The following DIMT1 variants were observed in gnomAD, a reference collection of about 807,000 sequenced individuals.
The protein encoded by DIMT1 is DIM1 rRNA methyltransferase and ribosome maturation factor.
In DIMT1, 36 loss-of-function variants were observed where a neutral mutation model predicts 43.2. The observed-to-expected ratio is 0.83, with a 90% confidence interval of 0.64 to 1.10. The LOEUF (loss-of-function observed/expected upper bound fraction) is 1.10, where lower values mean the gene tolerates loss of function less well. Ranked by LOEUF, DIMT1 falls within the 50% of genes least tolerant of loss-of-function variation. DIMT1 has a pLI of 0.00. For missense variants in DIMT1, 341 were observed against 385.3 expected (o/e 0.88, Z 0.96); for synonymous variants, 126 against 130.3 (o/e 0.97, Z 0.22).
In DIMT1 at chr5:62,403,750, G is replaced by A; in HGVS notation, c.23C>T (p.Ala8Val). The A allele has an allele frequency of 1.2e-6, 2 of 1,610,210 alleles. No homozygotes were observed. Among genetic ancestry groups the A allele is most frequent in the Non-Finnish European group, 1.7e-6 (2 of 1,178,850 alleles). The change falls in exon 1 of 12, where the codon GCC (alanine) becomes GTC (valine). Residue 8 changes from alanine to valine, a missense_variant. Physicochemically the swap from Ala to Val is moderately conservative, Grantham distance 64. Transcript: ENST00000199320. ...CTGCCGCCCGCGGCGGCGGCCGATGGCCCCCGACTTGACCTTCGGCATCTC... is the reference window on the plus strand; with the variant it reads ...CTGCCGCCCGCGGCGGCGGCCGATGACCCCCGACTTGACCTTCGGCATCTC... MPKVKSG[A>V]IGRRRGRQEQ... is the part of the protein sequence containing the mutation.
chr5:62,403,799 C>T lies in DIMT1; in HGVS notation c.-27G>A, dbSNP rs1336996616. 9 of 1,605,702 alleles carry T rather than the reference C, an allele frequency of 5.6e-6. No individual in the cohort carries two copies. Among genetic ancestry groups the T allele is most frequent in the Non-Finnish European group, 6.8e-6 (8 of 1,176,728 alleles). Reference sequence around the variant, plus strand: ...TCGGCAGAAAGCGGGCCCACAGGCCCGGGACGTCAAGGAGGACCAAAGAGG... The same window carrying T: ...TCGGCAGAAAGCGGGCCCACAGGCCTGGGACGTCAAGGAGGACCAAAGAGG... On this transcript the variant is annotated 5_prime_UTR_variant, in exon 1 of 12. Transcript: ENST00000199320.
At position 62,403,827 on chromosome 5, in the gene DIMT1, T is replaced by G; in HGVS notation, c.-55A>C. On this transcript the variant is annotated 5_prime_UTR_variant, in exon 1 of 12. Transcript: ENST00000199320. ...GACGTCAAGGAGGACCAAAGAGGGCTAGCGTGAGAAAGCCACCACGTGGGG... is the reference window on the plus strand; with the variant it reads ...GACGTCAAGGAGGACCAAAGAGGGCGAGCGTGAGAAAGCCACCACGTGGGG... 2.6e-6 allele frequency: 4 copies of G among 1,568,408 alleles called. No individual in the cohort carries two copies. Among genetic ancestry groups the G allele is most frequent in the Non-Finnish European group, 3.5e-6 (4 of 1,152,774 alleles).
chr5:62,390,829 T>C, intron 11 of DIMT1, 47 bp downstream of exon 11: 1 of 1,484,234 alleles, frequency 6.7e-7, no homozygotes, highest in Non-Finnish European at 9.4e-7. Flanking sequence ...TCTGAAGGTG[T>C]CACAGTAAAG....
chr5:62,403,854 T>TCGCCGCCACG lies in DIMT1; in HGVS notation c.-92_-83dup. 1 of 1,433,678 alleles carries TCGCCGCCACG rather than the reference T, an allele frequency of 7.0e-7. No homozygotes were observed. The highest frequency in any genetic ancestry group is 9.5e-7 in the Non-Finnish European group (1 of 1,049,866). 88.8% of individuals were successfully genotyped at this position (1,433,678 alleles called of 1,614,324 possible). ...GCGTGAGAAAGCCACCACGTGGGGA[T>TCGCCGCCACG]CGCCGCCACGCGCCGCCCGCACCAC... On this transcript the variant is annotated 5_prime_UTR_variant, in exon 1 of 12. Transcript: ENST00000199320.
intron 8 of DIMT1, 51 bp from the exon 9 acceptor site, chr5:62,393,041 T>C: frequency 8.0e-7 from 1 of 1,244,998 alleles, no homozygotes; most frequent in Non-Finnish European, 1.2e-6. Flanking sequence ...CTTGTTCTTG[T>C]CTATGCCCAC....
chr5:62,403,905 G>C lies in DIMT1; in HGVS notation c.-133C>G. On this transcript the variant is annotated 5_prime_UTR_variant, in exon 1 of 12. Coordinates refer to ENST00000199320, the MANE Select transcript of DIMT1 (RefSeq NM_014473.4). Reference sequence around the variant, plus strand: ...TCTGGCCCAAGCGCCGGAGGGGCAAGGGTCCGCCCCCTCCCGTACGCTCTG... The same window carrying C: ...TCTGGCCCAAGCGCCGGAGGGGCAACGGTCCGCCCCCTCCCGTACGCTCTG... The C allele has an allele frequency of 1.1e-6, 1 of 908,330 alleles. No homozygotes were observed. The highest frequency in any genetic ancestry group is 1.7e-5 in the South Asian group (1 of 58,504). 56.3% of individuals were successfully genotyped at this position (908,330 alleles called of 1,614,324 possible). A position where few individuals can be genotyped will look rare whatever the true frequency, so the allele number is the denominator to read the frequency against.
At chr5:62,391,466 AT>A (rs1742303109) in intron 10 of DIMT1, 1 of 160,654 alleles carries the variant, frequency 6.2e-6, no homozygotes, top group African/African-American at 2.4e-5. Context: ...TTATCCAAAT[AT>A]TTTTCTTAAT....
chr5:62,398,783 G>T (rs1411581684), intron 4 of DIMT1, 37 bp downstream of exon 4: 7 of 1,613,524 alleles, frequency 4.3e-6, no homozygotes, highest in Non-Finnish European at 5.1e-6. Flanking sequence ...TGTTTCATGA[G>T]ATTGAAATGC....
In DIMT1 at chr5:62,403,709, G is replaced by A; in HGVS notation, c.64C>T (p.Leu22=). The change falls in exon 1 of 12, where the codon CTG becomes TTG. Residue 22 remains leucine (L), a synonymous_variant. Coordinates refer to ENST00000199320, the MANE Select transcript of DIMT1 (RefSeq NM_014473.4). ...RRGRQEQRRE[L]KSAGGLMFNT... is the part of the protein sequence containing the mutation. The stretch of plus-strand genomic sequence containing the variant: ...GGATCCGCACCTCCAGCGCTCTTCA[G>A]CTCCCGGCGCTGCTCCTGCCGCCCG... 6.2e-7 allele frequency: 1 copy of A among 1,609,332 alleles called. No homozygotes were observed. Among genetic ancestry groups the A allele is most frequent in the Non-Finnish European group, 8.5e-7 (1 of 1,178,576 alleles).
rs758847833 is a variant in DIMT1, at chr5:62,396,139, G to GTTTTTTTTTTTTTTTTTTTTTTTTTTT, written c.447-1533_447-1532insAAAAAAAAAAAAAAAAAAAAAAAAAAA. Among the ~76,000 whole-genome samples, 439 of 116,670 alleles carry GTTTTTTTTTTTTTTTTTTTTTTTTTTT rather than the reference G, an allele frequency of 3.8e-3. 61 individuals are homozygous for GTTTTTTTTTTTTTTTTTTTTTTTTTTT. Among genetic ancestry groups the GTTTTTTTTTTTTTTTTTTTTTTTTTTT allele is most frequent in the East Asian group, 5.9e-3 (21 of 3,558 alleles). The allele number at this position is 116,670 out of a possible 152,430, so 76.5% of individuals were successfully genotyped here. On this transcript the variant is annotated intron_variant, in intron 6 of 11. Coordinates refer to ENST00000199320, the MANE Select transcript of DIMT1 (RefSeq NM_014473.4). ...GGGGAATTTAGCCATGTCACTGCAG[G>GTTTTTTTTTTTTTTTTTTTTTTTTTTT]TTTTTTTTTTTTACATTATTAACTG...
At position 62,387,689 on chromosome 5, in the gene DIMT1, T is replaced by TAAG. The variant is rs1742101808; in HGVS notation, c.*1318_*1320dup. Reference sequence around the variant, plus strand: ...GAGTTAAATCTTAAAATTTTTACTATAAGGATAGAGATGATACAAGTGAAC... The same window carrying TAAG: ...GAGTTAAATCTTAAAATTTTTACTATAAGAAGGATAGAGATGATACAAGTGAAC... On this transcript the variant is annotated 3_prime_UTR_variant, in exon 12 of 12. Transcript: ENST00000199320. 6.6e-6 allele frequency: 1 copy of TAAG among 152,126 alleles called. No individual in the cohort carries two copies. Among genetic ancestry groups the TAAG allele is most frequent in the Admixed American group, 6.5e-5 (1 of 15,282 alleles). 9.4% of individuals were successfully genotyped at this position (152,126 alleles called of 1,614,324 possible). A position where few individuals can be genotyped will look rare whatever the true frequency, so the allele number is the denominator to read the frequency against.
chr5:62,390,259 C>T (rs961485781), intron 11 of DIMT1, among the ~76,000 whole-genome samples: 1 of 152,092 alleles, frequency 6.6e-6, no homozygotes, highest in Non-Finnish European at 1.5e-5. Context: ...TTAATTGAAG[C>T]CTTATTCTGT....
chr5:62,392,838 A>G, intron 9 of DIMT1, 88 bp downstream of exon 9: 1 of 813,206 alleles, frequency 1.2e-6, no homozygotes, highest in Non-Finnish European at 2.1e-6. Context: ...TTTATGCTTT[A>G]GGGTAGCTGC....
chr5:62,403,360 C>A lies in DIMT1; in HGVS notation c.80-14G>T. 6.2e-7 allele frequency: 1 copy of A among 1,611,196 alleles called. No individual in the cohort carries two copies. Among genetic ancestry groups the A allele is most frequent in the Non-Finnish European group, 8.5e-7 (1 of 1,177,528 alleles). On this transcript the variant is annotated splice_polypyrimidine_tract_variant and intron_variant, in intron 1 of 11. Coordinates refer to ENST00000199320, the MANE Select transcript of DIMT1 (RefSeq NM_014473.4). ...TGAACATGAGTCCTGTAAGAAAATA[C>A]GAAACAGCATTAATTTTCCTACTGA... is the stretch of plus-strand genomic sequence containing the variant.
At chr5:62,397,189 C>G (rs889758998) in intron 6 of DIMT1, among the ~76,000 whole-genome samples, 3 of 152,056 alleles carry the variant, frequency 2.0e-5, no homozygotes, top group African/African-American at 7.3e-5. Flanking sequence ...AGTGATCTGC[C>G]CGCCTCGGCC....
In DIMT1 at chr5:62,388,887, T is replaced by A; in HGVS notation, c.*123A>T. On this transcript the variant is annotated 3_prime_UTR_variant, in exon 12 of 12. Coordinates refer to ENST00000199320, the MANE Select transcript of DIMT1 (RefSeq NM_014473.4). ...TCATAAATGGTGACAACAGTAGTAG[T>A]ATTGAACCAAAAATAGTCAAGTAAA... 1.1e-6 allele frequency: 1 copy of A among 874,194 alleles called. No individual in the cohort carries two copies. The highest frequency in any genetic ancestry group is 1.8e-6 in the Non-Finnish European group (1 of 550,742). 54.2% of individuals were successfully genotyped at this position (874,194 alleles called of 1,614,324 possible). A position where few individuals can be genotyped will look rare whatever the true frequency, so the allele number is the denominator to read the frequency against.
chr5:62,394,461 GAAAGAA>G lies in DIMT1; in HGVS notation c.570+17_570+22del, dbSNP rs767867155. On this transcript the variant is annotated intron_variant, in intron 7 of 11. Coordinates refer to ENST00000199320, the MANE Select transcript of DIMT1 (RefSeq NM_014473.4). ...GTGAGATTCTATCTCAGAAAAAAGA[GAAAGAA>G]AACAAAATTCACTTACTTTCATTAG... is the stretch of plus-strand genomic sequence containing the variant. 1.9e-6 allele frequency: 3 copies of G among 1,613,254 alleles called. No individual in the cohort carries two copies. The highest frequency in any genetic ancestry group is 2.5e-6 in the Non-Finnish European group (3 of 1,179,376).
At chr5:62,403,599 G>T (rs893231859) in intron 1 of DIMT1, 95 bp downstream of exon 1, 3 of 1,428,212 alleles carry the variant, frequency 2.1e-6, no homozygotes, top group Admixed American at 2.0e-5. Context: ...CGTCCTGACC[G>T]GCCTCTGCCG....
At chr5:62,391,506 G>A (rs1742304840) in intron 10 of DIMT1, 1 of 170,582 alleles carries the variant, frequency 5.9e-6, no homozygotes, top group South Asian at 1.8e-4. Flanking sequence ...ATTATACTTA[G>A]GCAGATTATC....
Sources: allele counts gnomAD v4.1 joint callset (sites outside exome capture counted in the v4.1 genomes callset), GRCh38; gene constraint gnomAD v4.1.1; transcripts MANE v1.5; gene names NCBI Gene and HGNC (gene_info 2026-07-23, HGNC 2026-07-21).